The following CYP20A1 variants were observed in gnomAD, a reference collection of about 807,000 sequenced individuals.
The protein encoded by CYP20A1 is cytochrome P450 family 20 subfamily A member 1.
In CYP20A1, 61 loss-of-function variants were observed where a neutral mutation model predicts 61.4. The observed-to-expected ratio is 0.99, with a 90% CI of 0.81 to 1.23. The LOEUF is 1.23. Ranked by LOEUF, CYP20A1 falls within the 50% of genes most tolerant of loss-of-function variation. The pLI is 0.00. For missense variants in CYP20A1, 530 were observed against 542.4 expected (o/e 0.98, Z 0.23); for synonymous variants, 193 against 188.2 (o/e 1.03, Z -0.21).
At chr2:203,245,076 C>A (rs1318843791) in intron 1 of CYP20A1, among the ~76,000 whole-genome samples, 1 of 144,808 alleles carries the variant, frequency 6.9e-6, no homozygotes, top group Non-Finnish European at 1.5e-5. Flanking sequence ...GTTGCCCAGG[C>A]TGTAGTGCAG....
At chr2:203,258,005 G>GCACAATTATAGCTCACTGTAGC (rs1455916330) in intron 4 of CYP20A1, among the ~76,000 whole-genome samples, 2 of 151,868 alleles carry the variant, frequency 1.3e-5, no homozygotes, top group South Asian at 2.1e-4. Context: ...GGGCTGAAGG[G>GCACAATTATAGCTCACTGTAGC]ATCCTCCTGC....
intron 6 of CYP20A1, among the ~76,000 whole-genome samples, chr2:203,276,942 C>A (rs2067845525): frequency 6.6e-6 from 1 of 152,048 alleles, no homozygotes; most frequent in Admixed American, 6.6e-5. Context: ...CATTTCATTA[C>A]TGAGAAATTC....
Position 203,300,885 on chromosome 2 carries a change from G to C in CYP20A1, c.*3977G>C, listed in dbSNP as rs1321596890. Among the ~76,000 whole-genome samples, 2 of 82,422 alleles carry C rather than the reference G, an allele frequency of 2.4e-5. No individual in the cohort carries two copies. Among genetic ancestry groups the C allele is most frequent in the Non-Finnish European group, 4.4e-5 (2 of 44,960 alleles). 54.1% of individuals were successfully genotyped at this position (82,422 alleles called of 152,430 possible). On this transcript the variant is annotated 3_prime_UTR_variant, in exon 13 of 13. Coordinates refer to ENST00000356079, the MANE Select transcript of CYP20A1 (RefSeq NM_177538.3). ...GCCTGGGCAATAAGAGCAAAACTCC[G>C]TCTCAGAAAAAAAAAAAAAAAAAAA...
At chr2:203,279,445 C>T (rs2152093623) in intron 7 of CYP20A1, among the ~76,000 whole-genome samples, 1 of 152,284 alleles carries the variant, frequency 6.6e-6, no homozygotes. Flanking sequence ...GCCTGCTTGA[C>T]CAGGTGTGGC....
chr2:203,281,740 A>G lies in CYP20A1; in HGVS notation c.850+1627A>G, dbSNP rs113123078. ...CGCTTGAACCCCAGAGGCAGAGGTT[A>G]CAGTGAGCTGAGATCGCACCACTGC... On this transcript the variant is annotated intron_variant, in intron 8 of 12. Transcript: ENST00000356079. Among the ~76,000 whole-genome samples, 110 of 151,678 alleles carry G rather than the reference A, an allele frequency of 7.3e-4. 2 individuals carry two copies. The highest frequency in any genetic ancestry group is 3.4e-3 in the Middle Eastern group (1 of 294).
intron 4 of CYP20A1, among the ~76,000 whole-genome samples, chr2:203,260,703 T>C (rs1469760): frequency 0.41 from 62,643 of 151,860 alleles, 13,314 homozygotes; most frequent in East Asian, 0.63. Context: ...ATTTTGTTTT[T>C]GGTAGAGAGA....
chr2:203,276,464 G>A (rs1258520494), intron 6 of CYP20A1, among the ~76,000 whole-genome samples: 2 of 152,028 alleles, frequency 1.3e-5, no homozygotes, highest in Non-Finnish European at 2.9e-5. Context: ...AACCAGGCAT[G>A]AGAGATAATG....
In CYP20A1 at chr2:203,298,549, AAATT is replaced by A. The variant is rs1244604374; in HGVS notation, c.*1643_*1646del. Among the ~76,000 whole-genome samples the A allele has an allele frequency of 6.7e-6, 1 of 150,168 alleles. No individual in the cohort carries two copies. Among genetic ancestry groups the A allele is most frequent in the Non-Finnish European group, 1.5e-5 (1 of 67,538 alleles). On this transcript the variant is annotated 3_prime_UTR_variant, in exon 13 of 13. Coordinates refer to ENST00000356079, the MANE Select transcript of CYP20A1 (RefSeq NM_177538.3). ...CTAAAAATACAAAAAAAAAAAAAAAAAATTAGCCAGATGTGGTGGTGCACATTTG... is the reference window on the plus strand; with the variant it reads ...CTAAAAATACAAAAAAAAAAAAAAAAAGCCAGATGTGGTGGTGCACATTTG...
intron 4 of CYP20A1, among the ~76,000 whole-genome samples, chr2:203,265,670 C>A (rs1010182209): frequency 6.6e-6 from 1 of 152,114 alleles, no homozygotes; most frequent in South Asian, 2.1e-4. Context: ...TTAATTACAT[C>A]TACAAATGTT....
rs889554388 is a variant in CYP20A1 at position 203,305,126 on chromosome 2, A to T, written c.*8218A>T. Among the ~76,000 whole-genome samples, 1 of 151,896 alleles carries T rather than the reference A, an allele frequency of 6.6e-6. No homozygotes were observed. Among genetic ancestry groups the T allele is most frequent in the East Asian group, 1.9e-4 (1 of 5,194 alleles). On this transcript the variant is annotated 3_prime_UTR_variant, in exon 13 of 13. Transcript: ENST00000356079. ...CATTTTTTAAGACATTCAGGCTATAAACAAGGTAATAAATCACACTCTTCC... is the reference window on the plus strand; with the variant it reads ...CATTTTTTAAGACATTCAGGCTATATACAAGGTAATAAATCACACTCTTCC...
chr2:203,251,815 A>ATATATATATATATGTATATATATATG (rs377306363), intron 3 of CYP20A1, 152 bp from the exon 4 acceptor site: 1 of 89,476 alleles, frequency 1.1e-5, no homozygotes, highest in Non-Finnish European at 2.7e-5. Context: ...ATATATATAT[A>ATATATATATATATGTATATATATATG]TAAAAAATAA....
At chr2:203,251,616 A>G (rs967806009) in intron 3 of CYP20A1, among the ~76,000 whole-genome samples, 3 of 150,420 alleles carry the variant, frequency 2.0e-5, no homozygotes, top group Non-Finnish European at 3.0e-5. Context: ...CTAGAAGTAC[A>G]AAATTAGCCA....
intron 4 of CYP20A1, among the ~76,000 whole-genome samples, chr2:203,252,420 A>C (rs1045337978): frequency 2.6e-5 from 4 of 151,932 alleles, no homozygotes; most frequent in Non-Finnish European, 4.4e-5. Flanking sequence ...GTTGAGACAG[A>C]GTCTCACTCT....
At position 203,299,599 on chromosome 2, in the gene CYP20A1, G is replaced by A. The variant is rs2068940007; in HGVS notation, c.*2691G>A. Among the ~76,000 whole-genome samples the A allele has an allele frequency of 6.6e-6, 1 of 152,214 alleles. No individual in the cohort carries two copies. The highest frequency in any genetic ancestry group is 2.1e-4 in the South Asian group (1 of 4,816). On this transcript the variant is annotated 3_prime_UTR_variant, in exon 13 of 13. Coordinates refer to ENST00000356079, the MANE Select transcript of CYP20A1 (RefSeq NM_177538.3). ...ACTTAAATTCTAAAACTTTGGCCGG[G>A]CGTGATGGCTCATGCCTGTAATCCC... is the stretch of plus-strand genomic sequence containing the variant.
At chr2:203,272,573 A>AAATT in intron 5 of CYP20A1, 97 bp from the exon 6 acceptor site, 2 of 348,504 alleles carry the variant, frequency 5.7e-6, no homozygotes, top group Non-Finnish European at 1.1e-5. Context: ...AAAAAAAAAG[A>AAATT]GTTAAAGAGT....
At chr2:203,289,534 A>G (rs1415825826) in intron 9 of CYP20A1, among the ~76,000 whole-genome samples, 1 of 151,922 alleles carries the variant, frequency 6.6e-6, no homozygotes, top group East Asian at 1.9e-4. Context: ...CTAGAGTTAT[A>G]TACAGATTTA....
chr2:203,273,202 T>G (rs2067678274), intron 6 of CYP20A1, among the ~76,000 whole-genome samples: 4 of 152,312 alleles, frequency 2.6e-5, no homozygotes, highest in African/African-American at 7.2e-5. Context: ...AAAGTTTTCT[T>G]TAACAGAAGC....
At chr2:203,258,145 C>T (rs1210628962) in intron 4 of CYP20A1, among the ~76,000 whole-genome samples, 1 of 152,200 alleles carries the variant, frequency 6.6e-6, no homozygotes, top group Non-Finnish European at 1.5e-5. Context: ...TCAAGTGATC[C>T]TCCTGCCTCG....
chr2:203,283,147 A>G (rs1186695645), intron 8 of CYP20A1, among the ~76,000 whole-genome samples: 2 of 150,442 alleles, frequency 1.3e-5, no homozygotes, highest in Admixed American at 6.7e-5. Flanking sequence ...ACTGCACTCC[A>G]GCCTGGGTGA....
Sources: gnomAD v4.1 joint callset for allele counts (sites outside exome capture counted in the v4.1 genomes callset) on GRCh38, gnomAD v4.1.1 for gene constraint, MANE v1.5 for transcripts, NCBI Gene and HGNC (gene_info 2026-07-23, HGNC 2026-07-21) for gene names.